Variants in PLAGL1 observed in about 807,000 individuals in gnomAD.
PLAGL1 encodes the protein PLAG1 like zinc finger 1.
A neutral mutation model predicts 4.6 loss-of-function variants in PLAGL1; 1 was observed. That is an observed-to-expected ratio of 0.22 (90% CI 0.08 to 1.03). The LOEUF (loss-of-function observed/expected upper bound fraction) is 1.03. Among genes scored for constraint, PLAGL1 ranks in the 50% least tolerant of loss-of-function variants. The probability of loss-of-function intolerance (pLI) is 0.58; values close to 1 mark genes in which losing one functional copy is unlikely to be tolerated. For missense variants in PLAGL1, 464 were observed against 570.4 expected (o/e 0.81, Z 1.90); for synonymous variants, 240 against 237.8 (o/e 1.01, Z -0.08).
Position 143,941,165 on chromosome 6 carries a change from T to G in PLAGL1, c.*259A>C. 5 of 309,640 alleles carry G rather than the reference T, an allele frequency of 1.6e-5. No individual in the cohort carries two copies. Among genetic ancestry groups the G allele is most frequent in the Non-Finnish European group, 2.4e-5 (4 of 168,896 alleles). The allele number at this position is 309,640 out of a possible 1,614,324, so 19.2% of individuals were successfully genotyped here. ...AAACACTTATATATAGCAGCCGTCATTTTGGATGTTGGTTATGACAATATT... is the reference window on the plus strand; with the variant it reads ...AAACACTTATATATAGCAGCCGTCAGTTTGGATGTTGGTTATGACAATATT... On this transcript the variant is annotated 3_prime_UTR_variant, in exon 8 of 8. Coordinates refer to ENST00000674357, the MANE Select transcript of PLAGL1 (RefSeq NM_001317162.2). The surrounding 1 kb of genome is among the most constrained non-coding windows in gnomAD (Gnocchi z 6.0).
rs1795534095 is a variant in PLAGL1, at chr6:144,015,934, T to C, written c.-150-46956A>G. 1.3e-5 allele frequency among the ~76,000 whole-genome samples: 2 copies of C among 152,186 alleles called. No homozygotes were observed. The highest frequency in any genetic ancestry group is 2.9e-5 in the Non-Finnish European group (2 of 68,042). ...TGTGGAAAGACTTAAATGCAAATAT[T>C]CATATTCTCTCCAAACTGAAAACAA... On this transcript the variant is annotated intron_variant, in intron 1 of 3. Coordinates refer to the PLAGL1 transcript ENST00000437412. This position sits in a 1 kb window ranked among gnomAD's most constrained non-coding sequence, Gnocchi z 4.3.
chr6:143,970,007 G>A lies in PLAGL1; in HGVS notation c.-543-1029C>T, dbSNP rs1259029759. The stretch of plus-strand genomic sequence containing the variant: ...CTTTCAGTGAAAATAATGAAGACAG[G>A]AAATAGATCAATAACTTAAACCCAT... On this transcript the variant is annotated intron_variant, in intron 2 of 7. Coordinates refer to ENST00000674357, the MANE Select transcript of PLAGL1 (RefSeq NM_001317162.2). This position sits in a 1 kb window ranked among gnomAD's most constrained non-coding sequence, Gnocchi z 5.8. Among the ~76,000 whole-genome samples, 1 of 152,074 alleles carries A rather than the reference G, an allele frequency of 6.6e-6. No homozygotes were observed. The highest frequency in any genetic ancestry group is 2.4e-5 in the African/African-American group (1 of 41,390).
rs1782369584 is a variant in PLAGL1, at chr6:143,957,314, T to G, written c.-325+3155A>C. Among the ~76,000 whole-genome samples the G allele has an allele frequency of 6.6e-6, 1 of 152,014 alleles. No homozygotes were observed. The highest frequency in any genetic ancestry group is 1.5e-5 in the Non-Finnish European group (1 of 67,988). ...AGGAGTCTGGTGGGGGGGTGAGGGG[T>G]GGAGAGCAACTCCCAAAATCCAGAC... is the stretch of plus-strand genomic sequence containing the variant. On this transcript the variant is annotated intron_variant, in intron 6 of 7. Coordinates refer to ENST00000674357, the MANE Select transcript of PLAGL1 (RefSeq NM_001317162.2). The surrounding 1 kb of genome is among the most constrained non-coding windows in gnomAD (Gnocchi z 4.2).
rs1784026776 is a variant in PLAGL1, at chr6:143,964,488, G to A, written c.-399+299C>T. ...GGGAATGAAAACAGTAATGCTTCTT[G>A]CATAGTTGACACTCTGAGGTGAAAT... On this transcript the variant is annotated intron_variant, in intron 5 of 7. Coordinates refer to ENST00000674357, the MANE Select transcript of PLAGL1 (RefSeq NM_001317162.2). This position sits in a 1 kb window ranked among gnomAD's most constrained non-coding sequence, Gnocchi z 4.3. Among the ~76,000 whole-genome samples the A allele has an allele frequency of 6.6e-6, 1 of 152,200 alleles. No individual in the cohort carries two copies. The highest frequency in any genetic ancestry group is 1.5e-5 in the Non-Finnish European group (1 of 68,032).
At chr6:144,018,867 G>C (rs1795758260) in intron 1 of PLAGL1, among the ~76,000 whole-genome samples, 1 of 152,124 alleles carries the variant, frequency 6.6e-6, no homozygotes, top group Non-Finnish European at 1.5e-5. Context: ...ATGAACCAAA[G>C]TCGAGGGACA....
At position 143,995,101 on chromosome 6, in the gene PLAGL1, TCTTTCTCAGCCAAA is replaced by T. The variant is rs1791333063; in HGVS notation, c.-583-9941_-583-9928del. ...TGTCTGATATTGGGAAAGGCTTCAT[TCTTTCTCAGCCAAA>T]ATTTTCTTATTTGTACAAAGGAGAT... On this transcript the variant is annotated intron_variant, in intron 1 of 7. Transcript: ENST00000674357. The surrounding 1 kb of genome is among the most constrained non-coding windows in gnomAD (Gnocchi z 4.4). Among the ~76,000 whole-genome samples the T allele has an allele frequency of 6.6e-6, 1 of 151,652 alleles. No homozygotes were observed. The highest frequency in any genetic ancestry group is 1.5e-5 in the Non-Finnish European group (1 of 67,938).
chr6:143,986,044 G>A (rs1789083614), intron 1 of PLAGL1, among the ~76,000 whole-genome samples: 1 of 136,848 alleles, frequency 7.3e-6, no homozygotes, highest in African/African-American at 2.7e-5. Flanking sequence ...TTTGATGTAT[G>A]CACATTGACC....
intron 1 of PLAGL1, among the ~76,000 whole-genome samples, chr6:143,993,331 A>AACACACACACACACACACACAC (rs746624620): frequency 7.0e-6 from 1 of 142,236 alleles, no homozygotes; most frequent in Admixed American, 7.0e-5. Context: ...AACAAAACAA[A>AACACACACACACACACACACAC]ACACACACAC....
rs1797066238 is a variant in PLAGL1 at position 144,034,455 on chromosome 6, T to C, written c.-151+30013A>G. On this transcript the variant is annotated intron_variant, in intron 1 of 3. Coordinates refer to the PLAGL1 transcript ENST00000437412. This position sits in a 1 kb window ranked among gnomAD's most constrained non-coding sequence, Gnocchi z 4.7. ...TTAACTAAGTAAGCCTCAAGTCCTTTTAGTGTTTGTTTCTCTTCAAGAAAA... is the reference window on the plus strand; with the variant it reads ...TTAACTAAGTAAGCCTCAAGTCCTTCTAGTGTTTGTTTCTCTTCAAGAAAA... Among the ~76,000 whole-genome samples the C allele has an allele frequency of 6.6e-6, 1 of 152,250 alleles. No homozygotes were observed. Among genetic ancestry groups the C allele is most frequent in the South Asian group, 2.1e-4 (1 of 4,836 alleles).
chr6:144,011,102 A>G (rs1175945935), upstream of PLAGL1, among the ~76,000 whole-genome samples: 1 of 152,234 alleles, frequency 6.6e-6, no homozygotes, highest in Non-Finnish European at 1.5e-5. This position sits in a 1 kb window ranked among gnomAD's most constrained non-coding sequence, Gnocchi z 4.3. Flanking sequence ...AAAATTGACA[A>G]TTGGGATCTA....
intron 1 of PLAGL1, chr6:144,007,504 T>C (rs1794501975): frequency 6.6e-6 from 1 of 151,840 alleles, no homozygotes. Context: ...ATTACAGGAG[T>C]ATATTCAGTA....
At position 144,026,298 on chromosome 6, in the gene PLAGL1, G is replaced by A. The variant is rs191593416; in HGVS notation, c.-151+38170C>T. 8.7e-4 allele frequency among the ~76,000 whole-genome samples: 133 copies of A among 152,208 alleles called. No homozygotes were observed. In the Middle Eastern group the frequency reaches 0.02, roughly 23 times the overall value. On this transcript the variant is annotated intron_variant, in intron 1 of 3. Coordinates refer to the PLAGL1 transcript ENST00000437412. ...GGCCTCAAGGAGCTTCGGTTTAGCA[G>A]AGGAAAAAAGGTGAGTAAATCTTAG...
chr6:143,946,063 CCT>C (rs753702695), intron 7 of PLAGL1, among the ~76,000 whole-genome samples: 11 of 151,830 alleles, frequency 7.2e-5, no homozygotes, highest in South Asian at 2.1e-4. Flanking sequence ...TGATTCTACC[CCT>C]GTCATACCCA....
intron 1 of PLAGL1, among the ~76,000 whole-genome samples, chr6:144,033,199 G>A (rs1297599983): frequency 6.6e-6 from 1 of 152,210 alleles, no homozygotes; most frequent in Admixed American, 6.5e-5. Context: ...ACTACTGCCT[G>A]TAATTGCTAA....
Position 143,950,787 on chromosome 6 carries a change from A to G in PLAGL1, c.-324-2327T>C, listed in dbSNP as rs1780899487. Among the ~76,000 whole-genome samples, 1 of 152,170 alleles carries G rather than the reference A, an allele frequency of 6.6e-6. No homozygotes were observed. Among genetic ancestry groups the G allele is most frequent in the African/African-American group, 2.4e-5 (1 of 41,438 alleles). ...ATTCTTGCTTTATGAGATGACTGGCATGTCCAACAGAACTTTCTGCAATGA... is the reference window on the plus strand; with the variant it reads ...ATTCTTGCTTTATGAGATGACTGGCGTGTCCAACAGAACTTTCTGCAATGA... On this transcript the variant is annotated intron_variant, in intron 6 of 7. Transcript: ENST00000674357. This position sits in a 1 kb window ranked among gnomAD's most constrained non-coding sequence, Gnocchi z 6.3.
In PLAGL1 at chr6:143,972,431, T is replaced by G. The variant is rs991801094; in HGVS notation, c.-543-3453A>C. 1.3e-5 allele frequency among the ~76,000 whole-genome samples: 2 copies of G among 152,306 alleles called. No homozygotes were observed. Among genetic ancestry groups the G allele is most frequent in the South Asian group, 4.1e-4 (2 of 4,826 alleles). ...AGAAGGTATCTCAGAGATGTTTCCT[T>G]GTGATAATCTCAAGACTTTTTCTTT... On this transcript the variant is annotated intron_variant, in intron 2 of 7. Coordinates refer to ENST00000674357, the MANE Select transcript of PLAGL1 (RefSeq NM_001317162.2). The surrounding 1 kb of genome is among the most constrained non-coding windows in gnomAD (Gnocchi z 6.8).
chr6:143,994,646 T>C lies in PLAGL1; in HGVS notation c.-583-9472A>G, dbSNP rs57020863. Among the ~76,000 whole-genome samples the C allele has an allele frequency of 8.5e-3, 1,296 of 152,342 alleles. 13 individuals are homozygous for C. Among genetic ancestry groups the C allele is most frequent in the African/African-American group, 0.029 (1,197 of 41,582 alleles). ...AGTGTGACCACTGGAGCAGCTCATA[T>C]TCGGTCCCAACATTTTATTCCTGCT... On this transcript the variant is annotated intron_variant, in intron 1 of 7. Transcript: ENST00000674357. The surrounding 1 kb of genome is among the most constrained non-coding windows in gnomAD (Gnocchi z 4.3).
chr6:143,976,707 C>T (rs1222168228), intron 2 of PLAGL1, among the ~76,000 whole-genome samples: 1 of 152,180 alleles, frequency 6.6e-6, no homozygotes, highest in Non-Finnish European at 1.5e-5. Flanking sequence ...TGAAGTATGA[C>T]AATTGTTTCT....
At position 144,027,230 on chromosome 6, in the gene PLAGL1, C is replaced by CGAAAGAAAGAAAGAAAGAAAGAAAGAAA. The variant is rs761735778; in HGVS notation, c.-151+37237_-151+37238insTTTCTTTCTTTCTTTCTTTCTTTCTTTC. 7.3e-4 allele frequency among the ~76,000 whole-genome samples: 72 copies of CGAAAGAAAGAAAGAAAGAAAGAAAGAAA among 99,120 alleles called. No individual in the cohort carries two copies. The highest frequency in any genetic ancestry group is 1.5e-3 in the African/African-American group (36 of 24,150). 65.0% of individuals were successfully genotyped at this position (99,120 alleles called of 152,430 possible). A position where few individuals can be genotyped will look rare whatever the true frequency, so the allele number is the denominator to read the frequency against. On this transcript the variant is annotated intron_variant, in intron 1 of 3. Transcript: ENST00000437412. This position sits in a 1 kb window ranked among gnomAD's most constrained non-coding sequence, Gnocchi z 5.8. ...CAGAGAAAGACCCCAACTCAAAGAA[C>CGAAAGAAAGAAAGAAAGAAAGAAAGAAA]GAACGAAAGAAAGAAAGAAAGAAAG...
Sources: gnomAD v4.1 joint callset for allele counts (sites outside exome capture counted in the v4.1 genomes callset) on GRCh38, gnomAD v4.1.1 for gene constraint, Gnocchi (gnomAD v3.1) non-coding constraint, MANE v1.5 for transcripts, NCBI Gene and HGNC (gene_info 2026-07-23, HGNC 2026-07-21) for gene names.